KCNMA1: variants seen among roughly 807,000 people sequenced by gnomAD.
KCNMA1 encodes the protein Calcium-activated potassium channel subunit alpha-1.
A neutral mutation model predicts 140.0 loss-of-function variants in KCNMA1; 29 were observed. The observed-to-expected ratio is 0.21, with a 90% CI of 0.15 to 0.28. KCNMA1 has a LOEUF of 0.28. Ranked by LOEUF, KCNMA1 falls within the 10% of genes least tolerant of loss-of-function variation. The pLI, the probability that KCNMA1 is intolerant of heterozygous loss-of-function variation, is 1.00. For synonymous variants in KCNMA1, 612 were observed against 611.9 expected (o/e 1.00, Z 0.00); for missense variants, 880 against 1,602.2 (o/e 0.55, Z 7.70).
intron 18 of KCNMA1, among the ~76,000 whole-genome samples, chr10:77,006,167 G>A (rs1325927698): frequency 7.2e-5 from 11 of 152,160 alleles, no homozygotes; most frequent in African/African-American, 2.4e-4. Flanking sequence ...TAATTTCCAG[G>A]GTGGATTGGA....
chr10:76,903,552 C>T (rs2046480315), intron 25 of KCNMA1: 1 of 152,196 alleles, frequency 6.6e-6, no homozygotes. Flanking sequence ...CTCCATGTAC[C>T]CGACTGACAC....
chr10:77,433,105 T>G (rs2097185805), intron 1 of KCNMA1, among the ~76,000 whole-genome samples: 1 of 152,090 alleles, frequency 6.6e-6, no homozygotes, highest in African/African-American at 2.4e-5. Context: ...AAAACAAAGG[T>G]GATTTCATTT....
At chr10:76,994,867 G>A (rs906950496) in intron 19 of KCNMA1, among the ~76,000 whole-genome samples, 1 of 152,190 alleles carries the variant, frequency 6.6e-6, no homozygotes, top group Non-Finnish European at 1.5e-5. Flanking sequence ...CAACTGAAAT[G>A]ATGGGCACCA....
At chr10:77,523,727 T>C (rs1034508045) in intron 1 of KCNMA1, among the ~76,000 whole-genome samples, 3 of 152,188 alleles carry the variant, frequency 2.0e-5, no homozygotes, top group African/African-American at 4.8e-5. Context: ...ATAGTTCAAC[T>C]TGAAAAGTAA....
chr10:77,035,037 C>T (rs1386062225), intron 15 of KCNMA1, among the ~76,000 whole-genome samples: 2 of 152,226 alleles, frequency 1.3e-5, no homozygotes, highest in African/African-American at 4.8e-5. Context: ...GGGGAGTGCA[C>T]CCTCGCTTTC....
At chr10:77,367,192 T>A (rs985834566) in intron 2 of KCNMA1, among the ~76,000 whole-genome samples, 1 of 152,138 alleles carries the variant, frequency 6.6e-6, no homozygotes, top group Non-Finnish European at 1.5e-5. Context: ...TCACTCATCC[T>A]CCAGGGAATG....
chr10:77,249,778 G>A (rs1223754986), intron 3 of KCNMA1: 1 of 152,078 alleles, frequency 6.6e-6, no homozygotes, highest in African/African-American at 2.4e-5. Flanking sequence ...TTTAAAAGGG[G>A]GCTTACCTTC....
intron 1 of KCNMA1, among the ~76,000 whole-genome samples, chr10:77,405,051 T>C (rs1182613145): frequency 6.6e-6 from 1 of 152,206 alleles, no homozygotes; most frequent in Admixed American, 6.5e-5. Flanking sequence ...TGGCTTAAAA[T>C]GTGCTTGAGG....
chr10:77,190,147 C>T (rs1482643882), intron 3 of KCNMA1, among the ~76,000 whole-genome samples: 2 of 152,150 alleles, frequency 1.3e-5, no homozygotes, highest in Non-Finnish European at 2.9e-5. Flanking sequence ...AACCTCCAGG[C>T]TTGATTCAGC....
intron 24 of KCNMA1, chr10:76,914,141 A>G: frequency 6.5e-7 from 1 of 1,548,018 alleles, no homozygotes; most frequent in South Asian, 1.2e-5. Flanking sequence ...GGTTTAGCTA[A>G]TTGGATACAG....
intron 23 of KCNMA1, among the ~76,000 whole-genome samples, chr10:76,924,650 G>C (rs2057126584): frequency 6.6e-6 from 1 of 152,106 alleles, no homozygotes; most frequent in African/African-American, 2.4e-5. Flanking sequence ...ACTTGATTTG[G>C]CAGTTAAGGA....
chr10:77,312,808 G>A (rs1565908030), intron 2 of KCNMA1, among the ~76,000 whole-genome samples: 2 of 152,144 alleles, frequency 1.3e-5, no homozygotes, highest in African/African-American at 4.8e-5. Context: ...TGAGCCTGGT[G>A]GGGGTGTACT....
chr10:77,471,299 C>G (rs1316582636), intron 1 of KCNMA1, among the ~76,000 whole-genome samples: 1 of 151,448 alleles, frequency 6.6e-6, no homozygotes, highest in Non-Finnish European at 1.5e-5. Context: ...TAACACAACA[C>G]ACACTACACA....
At chr10:77,291,867 T>C (rs2073387284) in intron 2 of KCNMA1, among the ~76,000 whole-genome samples, 1 of 152,168 alleles carries the variant, frequency 6.6e-6, no homozygotes, top group South Asian at 2.1e-4. Flanking sequence ...TCCAGTATGT[T>C]AGATAAATTC....
chr10:77,589,966 T>C (rs1428177503), intron 1 of KCNMA1, among the ~76,000 whole-genome samples: 1 of 152,124 alleles, frequency 6.6e-6, no homozygotes, highest in Non-Finnish European at 1.5e-5. Context: ...GTGGTCTCTT[T>C]TGACAGGGTG....
At chr10:77,264,504 C>T (rs963005708) in intron 2 of KCNMA1, among the ~76,000 whole-genome samples, 2 of 152,082 alleles carry the variant, frequency 1.3e-5, no homozygotes, top group African/African-American at 4.8e-5. Flanking sequence ...GTATGATGTT[C>T]GAGTATGCTT....
intron 5 of KCNMA1, among the ~76,000 whole-genome samples, chr10:77,174,797 C>T (rs1289527680): frequency 1.3e-5 from 2 of 152,184 alleles, no homozygotes; most frequent in African/African-American, 4.8e-5. Flanking sequence ...TCTCCTGGTG[C>T]TTCTCATGCA....
intron 1 of KCNMA1, among the ~76,000 whole-genome samples, chr10:77,467,312 T>C (rs981268369): frequency 3.3e-5 from 5 of 152,232 alleles, no homozygotes; most frequent in African/African-American, 9.6e-5. Flanking sequence ...TACACTTTAA[T>C]CAAGCTCTCT....
intron 2 of KCNMA1, among the ~76,000 whole-genome samples, chr10:77,289,083 C>G (rs1407040737): frequency 2.6e-5 from 4 of 152,204 alleles, no homozygotes; most frequent in Admixed American, 2.6e-4. Flanking sequence ...GGCCCTAACA[C>G]AGCTGGGAGC....
Sources: gnomAD v4.1 joint callset for allele counts (sites outside exome capture counted in the v4.1 genomes callset) on GRCh38, gnomAD v4.1.1 for gene constraint, MANE v1.5 for transcripts, NCBI Gene and HGNC (gene_info 2026-07-23, HGNC 2026-07-21) for gene names.